NCOA3: variants seen among roughly 807,000 people sequenced by gnomAD.
NCOA3 encodes the protein CBP-interacting protein.
A neutral mutation model predicts 158.8 loss-of-function variants in NCOA3; 51 were observed. The observed-to-expected ratio is 0.32, with a 90% CI of 0.26 to 0.41. The LOEUF is 0.41. Among genes scored for constraint, NCOA3 ranks in the 10% least tolerant of loss-of-function variants. NCOA3 has a pLI of 1.00. For missense variants in NCOA3, 1,510 were observed against 1,746.6 expected (o/e 0.86, Z 2.41); for synonymous variants, 537 against 592.4 (o/e 0.91, Z 1.36).
At chr20:47,512,560 C>CT (rs1166481839) in intron 1 of NCOA3, among the ~76,000 whole-genome samples, 1 of 142,760 alleles carries the variant, frequency 7.0e-6, no homozygotes, top group Non-Finnish European at 1.5e-5. Flanking sequence ...GAGTGAGACT[C>CT]TGTCTCACTA....
At chr20:47,638,979 G>C in intron 13 of NCOA3, 29 bp from the exon 14 acceptor site, 1 of 1,532,382 alleles carries the variant, frequency 6.5e-7, no homozygotes, top group East Asian at 2.3e-5. Flanking sequence ...AAATCACGAA[G>C]AAATGTTTTT....
chr20:47,651,887 C>T (rs72645301), intron 20 of NCOA3, among the ~76,000 whole-genome samples: 2,847 of 151,678 alleles, frequency 0.019, 96 homozygotes, highest in African/African-American at 0.064. Context: ...AGGATGGTCT[C>T]GATCTCCTGA....
intron 1 of NCOA3, among the ~76,000 whole-genome samples, chr20:47,546,110 A>G (rs967129763): frequency 3.3e-5 from 5 of 152,214 alleles, no homozygotes; most frequent in African/African-American, 1.2e-4. Flanking sequence ...CTAATGGACA[A>G]CTGAAACTCA....
At position 47,636,351 on chromosome 20, in the gene NCOA3, C is replaced by G; in HGVS notation, c.1965C>G (p.Ser655Arg). ...SCKESSVSVTSPSGVSSSTSG... is the reference protein window; with the variant it reads ...SCKESSVSVTRPSGVSSSTSG... ...AAGAATCTTCTGTTAGTGTCACCAG[C>G]CCCTCTGGAGTCTCCTCCTCTACAT... The change falls in exon 12 of 23, where the codon AGC becomes AGG. Residue 655 changes from serine (S) to arginine (R), a missense_variant. This residue lies in a region of NCOA3 where 1,017 missense variants were observed against 1,098.3 expected (regional missense o/e 0.93). Transcript: ENST00000371998. The G allele has an allele frequency of 6.2e-7, 1 of 1,614,212 alleles. No individual in the cohort carries two copies. The highest frequency in any genetic ancestry group is 8.5e-7 in the Non-Finnish European group (1 of 1,180,036).
intron 1 of NCOA3, among the ~76,000 whole-genome samples, chr20:47,567,402 T>TC (rs1277589541): frequency 6.6e-6 from 1 of 151,466 alleles, no homozygotes; most frequent in African/African-American, 2.4e-5. Context: ...TTTCTTTCTT[T>TC]TTTTTTTTTA....
Position 47,656,410 on chromosome 20 carries a change from TC to T in NCOA3, c.*2995del, listed in dbSNP as rs1343240210. 1 of 152,180 alleles carries T rather than the reference TC, an allele frequency of 6.6e-6. No individual in the cohort carries two copies. The highest frequency in any genetic ancestry group is 1.5e-5 in the Non-Finnish European group (1 of 68,028). 9.4% of individuals were successfully genotyped at this position (152,180 alleles called of 1,614,324 possible). A position where few individuals can be genotyped will look rare whatever the true frequency, so the allele number is the denominator to read the frequency against. ...ATTACAGAAGATAATTGGCTTGATGTCCTAGAAGTTCTTTGATCCAGAGGTG... is the reference window on the plus strand; with the variant it reads ...ATTACAGAAGATAATTGGCTTGATGTCTAGAAGTTCTTTGATCCAGAGGTG... On this transcript the variant is annotated 3_prime_UTR_variant, in exon 23 of 23. Transcript: ENST00000371998.
chr20:47,560,069 A>G lies in NCOA3; in HGVS notation c.-98-23114A>G, dbSNP rs147800952. Among the ~76,000 whole-genome samples the G allele has an allele frequency of 2.1e-3, 325 of 152,050 alleles. 6 individuals are homozygous for G. In the South Asian group the frequency reaches 0.038, roughly 18 times the overall value. ...CCAAAGTGTTGGAATTACAGGAGTG[A>G]GCCACCACACCTGGCCTTAATTTTT... is the stretch of plus-strand genomic sequence containing the variant. On this transcript the variant is annotated intron_variant, in intron 1 of 22. Coordinates refer to ENST00000371998, the MANE Select transcript of NCOA3 (RefSeq NM_181659.3).
intron 2 of NCOA3, among the ~76,000 whole-genome samples, chr20:47,620,105 C>T (rs2086212451): frequency 6.6e-6 from 1 of 151,572 alleles, no homozygotes; most frequent in South Asian, 2.1e-4. Flanking sequence ...TTTAATTATT[C>T]AATTTATTAT....
At chr20:47,629,397 T>A (rs1261287197) in intron 8 of NCOA3, among the ~76,000 whole-genome samples, 1 of 151,944 alleles carries the variant, frequency 6.6e-6, no homozygotes, top group African/African-American at 2.4e-5. Context: ...TGGCATGATC[T>A]CAGCTCACTG....
chr20:47,645,886 A>G (rs2086678429), intron 17 of NCOA3, among the ~76,000 whole-genome samples: 2 of 152,170 alleles, frequency 1.3e-5, no homozygotes, highest in South Asian at 2.1e-4. Flanking sequence ...GTGAAATGGA[A>G]AGAAGGGAGG....
chr20:47,510,720 G>T (rs1481434658), intron 1 of NCOA3, among the ~76,000 whole-genome samples: 1 of 151,782 alleles, frequency 6.6e-6, no homozygotes, highest in Non-Finnish European at 1.5e-5. Flanking sequence ...CAGCCTCCCA[G>T]TAGCTGTGAC....
intron 1 of NCOA3, among the ~76,000 whole-genome samples, chr20:47,528,519 A>G (rs1320238795): frequency 6.6e-6 from 1 of 152,184 alleles, no homozygotes; most frequent in Non-Finnish European, 1.5e-5. Context: ...ACCCTCACTG[A>G]AAAACCCAAT....
intron 2 of NCOA3, among the ~76,000 whole-genome samples, chr20:47,592,208 A>T (rs1047577678): frequency 6.6e-6 from 1 of 151,572 alleles, no homozygotes; most frequent in Non-Finnish European, 1.5e-5. Flanking sequence ...CACCTGGCTA[A>T]TTTTTTTTGT....
At chr20:47,641,987 G>A (rs6094761) in intron 16 of NCOA3, among the ~76,000 whole-genome samples, 2,594 of 152,068 alleles carry the variant, frequency 0.017, 77 homozygotes, top group African/African-American at 0.059. Flanking sequence ...TTGGGATTGG[G>A]GGTTTAAGCT....
At chr20:47,546,066 T>A (rs2084823048) in intron 1 of NCOA3, among the ~76,000 whole-genome samples, 1 of 152,184 alleles carries the variant, frequency 6.6e-6, no homozygotes, top group African/African-American at 2.4e-5. Flanking sequence ...CACTTGTATA[T>A]CCAACTGTCC....
rs772784655 is a variant in NCOA3 at position 47,636,362 on chromosome 20, TCTC to T, written c.1983_1985del (p.Ser662del). 10 of 1,613,924 alleles carry T rather than the reference TCTC, an allele frequency of 6.2e-6. No individual in the cohort carries two copies. The East Asian group carries it at 1.1e-4, about 18-fold the overall frequency. On this transcript the variant is annotated inframe_deletion, in exon 12 of 23. Transcript: ENST00000371998. ...GTTAGTGTCACCAGCCCCTCTGGAG[TCTC>T]CTCCTCTACATCTGGAGGAGTATCC... is the stretch of plus-strand genomic sequence containing the variant.
chr20:47,575,725 G>A (rs2085363536), intron 1 of NCOA3, among the ~76,000 whole-genome samples: 2 of 152,172 alleles, frequency 1.3e-5, no homozygotes, highest in African/African-American at 2.4e-5. Flanking sequence ...AAACGTAAAG[G>A]TAAATTTAAG....
chr20:47,579,529 T>C (rs1441670260), intron 1 of NCOA3, among the ~76,000 whole-genome samples: 1 of 152,234 alleles, frequency 6.6e-6, no homozygotes, highest in Non-Finnish European at 1.5e-5. Context: ...CAGAATCTTT[T>C]TTCCAGACAA....
intron 13 of NCOA3, among the ~76,000 whole-genome samples, chr20:47,638,783 G>T (rs1321039851): frequency 1.8e-5 from 2 of 111,860 alleles, no homozygotes; most frequent in Non-Finnish European, 3.4e-5. Context: ...GGAGATTGTT[G>T]TTTCTACTTT....
Sources: gnomAD v4.1 joint callset for allele counts (sites outside exome capture counted in the v4.1 genomes callset) on GRCh38, gnomAD v4.1.1 for gene constraint, gnomAD v4.1.1 regional missense constraint, MANE v1.5 for transcripts, NCBI Gene and HGNC (gene_info 2026-07-23, HGNC 2026-07-21) for gene names.